SSBP3: variants seen among roughly 807,000 people sequenced by gnomAD.
SSBP3 encodes single stranded DNA binding protein 3, also known as single-stranded DNA-binding protein 3.
In SSBP3, 5 loss-of-function variants were observed where a neutral mutation model predicts 69.6. The observed-to-expected ratio is 0.07, with a 90% CI of 0.04 to 0.15. The LOEUF (loss-of-function observed/expected upper bound fraction) is 0.15. Among genes scored for constraint, SSBP3 ranks in the 10% least tolerant of loss-of-function variants. The probability of loss-of-function intolerance (pLI) is 1.00; values close to 1 mark genes in which losing one functional copy is unlikely to be tolerated. For synonymous variants in SSBP3, 196 were observed against 193.4 expected (o/e 1.01, Z -0.11); for missense variants, 312 against 534.0 (o/e 0.58, Z 4.10).
At chr1:54,346,252 G>A (rs957797509) in intron 4 of SSBP3, among the ~76,000 whole-genome samples, 10 of 151,632 alleles carry the variant, frequency 6.6e-5, no homozygotes, top group Admixed American at 2.0e-4. Context: ...TTGAACCTGG[G>A]AGGCAGAAGT....
At chr1:54,261,012 C>A (rs574098357) in intron 5 of SSBP3, among the ~76,000 whole-genome samples, 1 of 152,348 alleles carries the variant, frequency 6.6e-6, no homozygotes, top group South Asian at 2.1e-4. Context: ...CAGAGCCAGA[C>A]GCCTGCCATT....
chr1:54,348,251 G>A (rs1231374190), intron 4 of SSBP3, among the ~76,000 whole-genome samples: 1 of 72,034 alleles, frequency 1.4e-5, no homozygotes, highest in East Asian at 4.2e-4. Context: ...GGGGGGCGGG[G>A]GGGGGGGGGC....
In SSBP3 at chr1:54,228,364, A is replaced by C. The variant is rs1644323205; in HGVS notation, c.1036-8T>G. Reference sequence around the variant, plus strand: ...TATGTTGTTAGGAGAATTCTGTGGAAAGAGGAGAGGAGGTGAGCACCTGTG... The same window carrying C: ...TATGTTGTTAGGAGAATTCTGTGGACAGAGGAGAGGAGGTGAGCACCTGTG... On this transcript the variant is annotated splice_polypyrimidine_tract_variant and splice_region_variant and intron_variant, in intron 16 of 17. Transcript: ENST00000610401. The C allele has an allele frequency of 6.2e-7, 1 of 1,614,052 alleles. No individual in the cohort carries two copies. Among genetic ancestry groups the C allele is most frequent in the African/African-American group, 1.3e-5 (1 of 74,910 alleles).
intron 4 of SSBP3, among the ~76,000 whole-genome samples, chr1:54,300,876 CA>C (rs1295134211): frequency 2.0e-5 from 3 of 152,200 alleles, no homozygotes; most frequent in Non-Finnish European, 4.4e-5. Flanking sequence ...TGTTTTCCCA[CA>C]AATCTGCGTT....
chr1:54,227,234 G>T, intron 17 of SSBP3, 74 bp from the exon 18 acceptor site: 1 of 891,598 alleles, frequency 1.1e-6, no homozygotes, highest in Non-Finnish European at 1.9e-6. Context: ...GGTGCCAAGA[G>T]CCTGGGGTGA....
intron 4 of SSBP3, among the ~76,000 whole-genome samples, chr1:54,317,581 C>T: frequency 6.6e-6 from 1 of 151,838 alleles, no homozygotes; most frequent in East Asian, 1.9e-4. Context: ...AACAAAAAAG[C>T]ATCAAACCAC....
chr1:54,380,060 G>C (rs1441618370), intron 4 of SSBP3, among the ~76,000 whole-genome samples: 1 of 152,200 alleles, frequency 6.6e-6, no homozygotes, highest in Admixed American at 6.5e-5. Context: ...TCTCTGGTCA[G>C]AGAGGAAAAT....
intron 4 of SSBP3, among the ~76,000 whole-genome samples, chr1:54,323,193 C>G (rs1454605109): frequency 1.3e-5 from 2 of 152,198 alleles, no homozygotes; most frequent in Non-Finnish European, 2.9e-5. Flanking sequence ...GAGCATTTGA[C>G]TACTCTTCAG....
intron 4 of SSBP3, among the ~76,000 whole-genome samples, chr1:54,291,586 G>C (rs1645609070): frequency 6.6e-6 from 1 of 152,240 alleles, no homozygotes. Flanking sequence ...CCCCCACTCT[G>C]AGTCAACCAG....
chr1:54,294,758 C>G (rs1645674943), intron 4 of SSBP3, among the ~76,000 whole-genome samples: 1 of 152,162 alleles, frequency 6.6e-6, no homozygotes, highest in African/African-American at 2.4e-5. Context: ...GATTCCCTGG[C>G]CTCTCTGAAG....
chr1:54,228,485 G>C lies in SSBP3; in HGVS notation c.1007-8C>G. 1 of 1,614,126 alleles carries C rather than the reference G, an allele frequency of 6.2e-7. No individual in the cohort carries two copies. Among genetic ancestry groups the C allele is most frequent in the Non-Finnish European group, 8.5e-7 (1 of 1,180,016 alleles). On this transcript the variant is annotated splice_polypyrimidine_tract_variant and splice_region_variant and intron_variant, in intron 15 of 17. Coordinates refer to ENST00000610401, the Ensembl canonical transcript of SSBP3. ...CGTCTATGTCGCCTGACCCTGGAAA[G>C]AAAAAATAATCCAATTCAGTTTCTT...
chr1:54,334,304 A>T (rs1030010162), intron 4 of SSBP3, among the ~76,000 whole-genome samples: 1 of 151,922 alleles, frequency 6.6e-6, no homozygotes, highest in Non-Finnish European at 1.5e-5. Context: ...GTGAGCTGAG[A>T]TTGGGCCACT....
intron 5 of SSBP3, among the ~76,000 whole-genome samples, chr1:54,274,346 C>G (rs1321187076): frequency 6.6e-6 from 1 of 151,670 alleles, no homozygotes; most frequent in Non-Finnish European, 1.5e-5. Flanking sequence ...GAAATCACAG[C>G]AGGGAACAGC....
chr1:54,346,056 A>G (rs987788019), intron 4 of SSBP3, among the ~76,000 whole-genome samples: 1 of 151,968 alleles, frequency 6.6e-6, no homozygotes, highest in Non-Finnish European at 1.5e-5. Flanking sequence ...CCATCTACTC[A>G]GGAGGCTGAG....
At chr1:54,252,008 GA>G in intron 7 of SSBP3, 148 bp from the exon 8 acceptor site, 1 of 702,844 alleles carries the variant, frequency 1.4e-6, no homozygotes, top group Admixed American at 2.1e-5. Flanking sequence ...GCCAGTGGGA[GA>G]AGGTTACCCC....
At chr1:54,262,448 G>A (rs942104157) in intron 5 of SSBP3, among the ~76,000 whole-genome samples, 1 of 152,170 alleles carries the variant, frequency 6.6e-6, no homozygotes, top group Non-Finnish European at 1.5e-5. Flanking sequence ...ATGAACCCAA[G>A]GCTGAAGGAC....
intron 4 of SSBP3, among the ~76,000 whole-genome samples, chr1:54,390,725 G>C (rs1175568243): frequency 6.6e-6 from 1 of 152,200 alleles, no homozygotes; most frequent in African/African-American, 2.4e-5. Flanking sequence ...ATCCCCTTTT[G>C]AAGCGGCTCA....
chr1:54,285,009 T>A (rs1355634440), intron 4 of SSBP3, among the ~76,000 whole-genome samples: 1 of 152,058 alleles, frequency 6.6e-6, no homozygotes, highest in Non-Finnish European at 1.5e-5. Flanking sequence ...TGTTCTCCAA[T>A]GAAGGAGGAC....
At chr1:54,311,724 G>A (rs574225395) in intron 4 of SSBP3, among the ~76,000 whole-genome samples, 381 of 152,274 alleles carry the variant, frequency 2.5e-3, no homozygotes, top group African/African-American at 8.6e-3. Flanking sequence ...CACCCGTGCC[G>A]AGTCAGAGTC....
Sources: gnomAD v4.1 joint callset for allele counts (sites outside exome capture counted in the v4.1 genomes callset) on GRCh38, gnomAD v4.1.1 for gene constraint, MANE v1.5 for transcripts, NCBI Gene and HGNC (gene_info 2026-07-23, HGNC 2026-07-21) for gene names.